PLCXD3: variants seen among roughly 807,000 people sequenced by gnomAD.
PLCXD3 encodes the protein PI-PLC X domain-containing protein 3.
PLCXD3 carries 19 observed loss-of-function variants against 25.5 expected under a neutral mutation model. The observed-to-expected ratio is 0.75, with a 90% CI of 0.52 to 1.09. The LOEUF (loss-of-function observed/expected upper bound fraction) is 1.09. PLCXD3 is among the 50% of genes least tolerant of loss of function. PLCXD3 has a pLI of 0.00. For missense variants in PLCXD3, 411 were observed against 388.1 expected (o/e 1.06, Z -0.50); for synonymous variants, 174 against 137.6 (o/e 1.26, Z -1.85).
At chr5:41,408,887 A>AT (rs1746433941) in intron 1 of PLCXD3, among the ~76,000 whole-genome samples, 1 of 152,328 alleles carries the variant, frequency 6.6e-6, no homozygotes, top group Middle Eastern at 3.4e-3. Context: ...AATAAGAAAG[A>AT]TGGGGGAGGA....
intron 2 of PLCXD3, among the ~76,000 whole-genome samples, chr5:41,334,717 A>C (rs1392273789): frequency 6.6e-6 from 1 of 152,162 alleles, no homozygotes; most frequent in Non-Finnish European, 1.5e-5. Context: ...AAACCATTAA[A>C]AATCCATTTT....
At chr5:41,442,455 A>G (rs966758302) in intron 1 of PLCXD3, among the ~76,000 whole-genome samples, 66 of 152,338 alleles carry the variant, frequency 4.3e-4, no homozygotes, top group African/African-American at 1.5e-3. Context: ...ACCTGCCCCA[A>G]ACACCACATT....
At chr5:41,494,950 T>C (rs1462298721) in intron 1 of PLCXD3, among the ~76,000 whole-genome samples, 1 of 152,166 alleles carries the variant, frequency 6.6e-6, no homozygotes, top group Non-Finnish European at 1.5e-5. Context: ...TAAGTGTGGT[T>C]AGGAGTAATG....
intron 1 of PLCXD3, among the ~76,000 whole-genome samples, chr5:41,421,595 G>A (rs919762629): frequency 9.2e-5 from 14 of 152,162 alleles, no homozygotes; most frequent in Non-Finnish European, 1.9e-4. Context: ...CAGCTACTCG[G>A]GAGGCTGAGG....
At chr5:41,414,404 G>A in intron 1 of PLCXD3, among the ~76,000 whole-genome samples, 1 of 152,114 alleles carries the variant, frequency 6.6e-6, no homozygotes, top group East Asian at 1.9e-4. Flanking sequence ...GTTTCTCCAT[G>A]TTGGTCAGGC....
At chr5:41,498,616 A>T (rs1055963624) in intron 1 of PLCXD3, among the ~76,000 whole-genome samples, 10 of 151,782 alleles carry the variant, frequency 6.6e-5, no homozygotes, top group African/African-American at 1.9e-4. Context: ...CTCTTCCAAA[A>T]AAACTGAAGA....
intron 2 of PLCXD3, among the ~76,000 whole-genome samples, chr5:41,327,207 C>G (rs1023016561): frequency 1.3e-5 from 2 of 151,998 alleles, no homozygotes; most frequent in African/African-American, 4.8e-5. Context: ...AGAGATGATG[C>G]AACTAGAGGG....
intron 2 of PLCXD3, among the ~76,000 whole-genome samples, chr5:41,329,357 G>C (rs556064351): frequency 6.6e-6 from 1 of 152,286 alleles, no homozygotes; most frequent in East Asian, 1.9e-4. Context: ...TTTGAGGGCT[G>C]TTTTCCTACT....
At chr5:41,401,589 T>G (rs564434511) in intron 1 of PLCXD3, among the ~76,000 whole-genome samples, 5 of 152,184 alleles carry the variant, frequency 3.3e-5, no homozygotes, top group South Asian at 2.1e-4. Context: ...ACTATTATGA[T>G]AGGCAGCCTT....
intron 1 of PLCXD3, among the ~76,000 whole-genome samples, chr5:41,452,175 C>T (rs908689414): frequency 2.0e-5 from 3 of 152,044 alleles, no homozygotes; most frequent in African/African-American, 4.8e-5. Context: ...CTGATGTTGT[C>T]TGCTCTTAAA....
rs1746251870 is a variant in PLCXD3 at position 41,403,401 on chromosome 5, G to GTTTTTTTTTTTTTGTTTTTGTTT, written c.104-20868_104-20867insAAACAAAAACAAAAAAAAAAAAA. On this transcript the variant is annotated intron_variant, in intron 1 of 2. Transcript: ENST00000377801. Reference sequence around the variant, plus strand: ...ATTTACCCAGATTGACTTATTTGTTGTTTTTTTTTTTTTTTATTATACTCT... The same window carrying GTTTTTTTTTTTTTGTTTTTGTTT: ...ATTTACCCAGATTGACTTATTTGTTGTTTTTTTTTTTTTGTTTTTGTTTTTTTTTTTTTTTTTTATTATACTCT... 2.7e-4 allele frequency among the ~76,000 whole-genome samples: 5 copies of GTTTTTTTTTTTTTGTTTTTGTTT among 18,394 alleles called. 1 individual carries two copies. The highest frequency in any genetic ancestry group is 9.2e-4 in the East Asian group (2 of 2,170). The allele number at this position is 18,394 out of a possible 152,430, so 12.1% of individuals were successfully genotyped here. A position where few individuals can be genotyped will look rare whatever the true frequency, so the allele number is the denominator to read the frequency against.
At chr5:41,394,306 A>G (rs1745931105) in intron 1 of PLCXD3, among the ~76,000 whole-genome samples, 1 of 152,176 alleles carries the variant, frequency 6.6e-6, no homozygotes, top group Admixed American at 6.5e-5. Context: ...AAAAATAAAT[A>G]CAATGAATAC....
chr5:41,403,407 T>TGTTTTGTTTTG (rs1169408224), intron 1 of PLCXD3, among the ~76,000 whole-genome samples: 7 of 34,508 alleles, frequency 2.0e-4, no homozygotes, highest in Admixed American at 5.2e-4. Context: ...TGTTGTTTTT[T>TGTTTTGTTTTG]TTTTTTTTTA....
At chr5:41,482,350 C>T (rs1748431456) in intron 1 of PLCXD3, among the ~76,000 whole-genome samples, 1 of 152,114 alleles carries the variant, frequency 6.6e-6, no homozygotes, top group South Asian at 2.1e-4. Context: ...GAGAAATTGT[C>T]TTTGTAGGGC....
chr5:41,358,696 G>T (rs1327940073), intron 2 of PLCXD3, among the ~76,000 whole-genome samples: 7 of 152,174 alleles, frequency 4.6e-5, no homozygotes, highest in African/African-American at 1.7e-4. Context: ...TATTGATTTG[G>T]ATGTCCTTTA....
chr5:41,478,426 A>G (rs1748326369), intron 1 of PLCXD3, among the ~76,000 whole-genome samples: 2 of 152,050 alleles, frequency 1.3e-5, no homozygotes. Context: ...TCTTAATTTA[A>G]ATAACTGTGT....
chr5:41,337,724 G>T (rs955508746), intron 2 of PLCXD3, among the ~76,000 whole-genome samples: 1 of 152,090 alleles, frequency 6.6e-6, no homozygotes, highest in Admixed American at 6.6e-5. Flanking sequence ...AGTGACAACT[G>T]CAGGTGCAAA....
At chr5:41,361,907 A>G (rs1344148234) in intron 2 of PLCXD3, among the ~76,000 whole-genome samples, 1 of 152,242 alleles carries the variant, frequency 6.6e-6, no homozygotes, top group East Asian at 1.9e-4. Flanking sequence ...ATGAGAGTTA[A>G]AAACAAAACT....
chr5:41,378,175 A>G (rs1472208738), intron 2 of PLCXD3, among the ~76,000 whole-genome samples: 1 of 152,062 alleles, frequency 6.6e-6, no homozygotes, highest in African/African-American at 2.4e-5. Context: ...TGCTTTTGCA[A>G]GGCATGACCC....
Sources: gnomAD v4.1 joint callset for allele counts (sites outside exome capture counted in the v4.1 genomes callset) on GRCh38, gnomAD v4.1.1 for gene constraint, MANE v1.5 for transcripts, NCBI Gene and HGNC (gene_info 2026-07-23, HGNC 2026-07-21) for gene names.